The following C8orf34 variants were observed in gnomAD, a reference collection of about 807,000 sequenced individuals.
The protein encoded by C8orf34 is chromosome 8 open reading frame 34.
A neutral mutation model predicts 68.3 loss-of-function variants in C8orf34; 65 were observed. The ratio of observed to expected loss-of-function variants is 0.95; its 90% CI spans 0.78 to 1.17. C8orf34 has a LOEUF of 1.17. C8orf34 is among the 50% of genes most tolerant of loss of function. C8orf34 has a pLI of 0.00. For missense variants in C8orf34, 664 were observed against 655.4 expected (o/e 1.01, Z -0.14); for synonymous variants, 244 against 241.2 (o/e 1.01, Z -0.11).
Position 68,640,360 on chromosome 8 carries a change from G to C in C8orf34, c.1106-16G>C. The C allele has an allele frequency of 1.2e-6, 2 of 1,607,578 alleles. No individual in the cohort carries two copies. The highest frequency in any genetic ancestry group is 2.2e-5 in the East Asian group (1 of 44,808). ...AGAGTTAATTTTTTTCTCTGTAATT[G>C]TTTGTGTTGTTACAGAGGATCTTAA... On this transcript the variant is annotated splice_polypyrimidine_tract_variant and intron_variant, in intron 7 of 13. Transcript: ENST00000518698.
At position 68,818,929 on chromosome 8, in the gene C8orf34, TG is replaced by T. The variant is rs1824898559; in HGVS notation, c.*684del. ...ATCCAATTATTGAACCCAATTAAGA[TG>T]ATCCATTTTAAATTTAATATATGCT... On this transcript the variant is annotated 3_prime_UTR_variant, in exon 14 of 14. Coordinates refer to ENST00000518698, the MANE Select transcript of C8orf34 (RefSeq NM_052958.4). 6.6e-6 allele frequency: 1 copy of T among 152,206 alleles called. No individual in the cohort carries two copies. The highest frequency in any genetic ancestry group is 2.4e-5 in the African/African-American group (1 of 41,464). The allele number at this position is 152,206 out of a possible 1,614,324, so 9.4% of individuals were successfully genotyped here. A position where few individuals can be genotyped will look rare whatever the true frequency, so the allele number is the denominator to read the frequency against.
intron 1 of C8orf34, among the ~76,000 whole-genome samples, chr8:68,414,093 T>TA (rs1455624555): frequency 2.0e-5 from 3 of 152,220 alleles, no homozygotes; most frequent in Non-Finnish European, 4.4e-5. Context: ...TTCTAGTTTT[T>TA]ACCTTGAGGC....
At chr8:68,648,353 G>A (rs1819241812) in intron 8 of C8orf34, among the ~76,000 whole-genome samples, 1 of 152,168 alleles carries the variant, frequency 6.6e-6, no homozygotes, top group Admixed American at 6.5e-5. Context: ...ATTGCATTAA[G>A]ATTATCTATT....
intron 10 of C8orf34, among the ~76,000 whole-genome samples, chr8:68,732,432 G>T (rs1050307876): frequency 6.6e-6 from 1 of 151,876 alleles, no homozygotes; most frequent in African/African-American, 2.4e-5. Flanking sequence ...ACTTTTTAAT[G>T]ATTTTTTTGT....
intron 8 of C8orf34, among the ~76,000 whole-genome samples, chr8:68,646,081 T>C (rs1200870599): frequency 1.3e-5 from 2 of 152,176 alleles, no homozygotes; most frequent in Non-Finnish European, 2.9e-5. Flanking sequence ...CTTAAAATTT[T>C]AGTTAATACA....
chr8:68,589,221 TTCTG>T (rs1435965926), intron 7 of C8orf34, among the ~76,000 whole-genome samples: 62 of 152,340 alleles, frequency 4.1e-4, no homozygotes, highest in African/African-American at 1.5e-3. Context: ...AATATTATCT[TTCTG>T]TCTATCCATC....
intron 8 of C8orf34, among the ~76,000 whole-genome samples, chr8:68,649,951 G>T (rs368529914): frequency 2.0e-5 from 3 of 151,476 alleles, no homozygotes; most frequent in African/African-American, 7.3e-5. Context: ...TTTTAGCAGA[G>T]AATCTACTCT....
chr8:68,603,287 A>T (rs73270368), intron 7 of C8orf34, among the ~76,000 whole-genome samples: 20,183 of 151,942 alleles, frequency 0.13, 1,648 homozygotes, highest in African/African-American at 0.23. Context: ...CATAAAGTTA[A>T]ATATATACTT....
intron 7 of C8orf34, among the ~76,000 whole-genome samples, chr8:68,545,525 A>C (rs1469451072): frequency 1.3e-5 from 2 of 152,194 alleles, no homozygotes; most frequent in Non-Finnish European, 2.9e-5. Context: ...TGGTGGAACA[A>C]TGATGAAATA....
chr8:68,461,623 T>A (rs1586185798), intron 3 of C8orf34, among the ~76,000 whole-genome samples: 1 of 151,898 alleles, frequency 6.6e-6, no homozygotes, highest in Admixed American at 6.6e-5. Context: ...CAGAAGAGAG[T>A]GGGGGCCAAT....
intron 7 of C8orf34, among the ~76,000 whole-genome samples, chr8:68,561,087 A>T (rs1338795422): frequency 6.6e-6 from 1 of 150,484 alleles, no homozygotes; most frequent in Non-Finnish European, 1.5e-5. Context: ...GGTTCAGGTG[A>T]TCCTTCCAGT....
rs200920530 is a variant in C8orf34 at position 68,468,743 on chromosome 8, G to A, written c.659G>A (p.Ser220Asn). ...PKWNWRTKPQ[S>N]RDFDELNHIL... ...TGGAACTGGAGGACTAAACCACAAAGCCGTGATTTTGATGAATTGAATCAC... is the reference window on the plus strand; with the variant it reads ...TGGAACTGGAGGACTAAACCACAAAACCGTGATTTTGATGAATTGAATCAC... Residue 220 changes from serine to asparagine, a missense_variant, in exon 4 of 14, where the codon AGC becomes AAC. Coordinates refer to ENST00000518698, the MANE Select transcript of C8orf34 (RefSeq NM_052958.4). The A allele has an allele frequency of 1.4e-3, 2,296 of 1,612,746 alleles. 44 individuals are homozygous for A. In the South Asian group the frequency reaches 0.024, roughly 17 times the overall value.
intron 1 of C8orf34, among the ~76,000 whole-genome samples, chr8:68,355,089 G>A (rs1438590604): frequency 1.3e-5 from 2 of 152,052 alleles, no homozygotes; most frequent in East Asian, 3.9e-4. Context: ...TTACCTTTAT[G>A]TACAGTGGAT....
intron 1 of C8orf34, among the ~76,000 whole-genome samples, chr8:68,355,962 T>C (rs931149637): frequency 6.6e-6 from 1 of 152,210 alleles, no homozygotes; most frequent in African/African-American, 2.4e-5. Context: ...TCATCTAAAA[T>C]CATCTTGTTG....
intron 5 of C8orf34, among the ~76,000 whole-genome samples, chr8:68,513,244 C>T (rs887664698): frequency 6.6e-6 from 1 of 152,124 alleles, no homozygotes; most frequent in Admixed American, 6.6e-5. Flanking sequence ...ATACTTGATC[C>T]AAGCACTTGT....
chr8:68,391,844 A>G (rs1279591691), intron 1 of C8orf34, among the ~76,000 whole-genome samples: 1 of 152,166 alleles, frequency 6.6e-6, no homozygotes, highest in Non-Finnish European at 1.5e-5. Context: ...CGAGAGTGAC[A>G]TAAATCACTT....
chr8:68,407,830 C>T (rs1809265177), intron 1 of C8orf34, among the ~76,000 whole-genome samples: 1 of 152,036 alleles, frequency 6.6e-6, no homozygotes, highest in African/African-American at 2.4e-5. Context: ...TCAGTCCTTC[C>T]ACTTATATCT....
At chr8:68,437,613 T>A (rs1184840837) in intron 1 of C8orf34, among the ~76,000 whole-genome samples, 1 of 152,210 alleles carries the variant, frequency 6.6e-6, no homozygotes, top group African/African-American at 2.4e-5. Context: ...TACAATTACC[T>A]TCACAACAGT....
At chr8:68,721,740 T>C (rs1821683989) in intron 10 of C8orf34, among the ~76,000 whole-genome samples, 1 of 152,018 alleles carries the variant, frequency 6.6e-6, no homozygotes, top group African/African-American at 2.4e-5. Flanking sequence ...TCCTGAAAGT[T>C]TATATGTGAC....
Sources: gnomAD v4.1 joint callset for allele counts (sites outside exome capture counted in the v4.1 genomes callset) on GRCh38, gnomAD v4.1.1 for gene constraint, MANE v1.5 for transcripts, NCBI Gene and HGNC (gene_info 2026-07-23, HGNC 2026-07-21) for gene names.